The following CMIP variants were observed in gnomAD, a reference collection of about 807,000 sequenced individuals.
CMIP encodes the protein C-Maf-inducing protein.
A neutral mutation model predicts 97.3 loss-of-function variants in CMIP; 13 were observed. The observed-to-expected ratio is 0.13, with a 90% CI of 0.09 to 0.21. CMIP has a LOEUF of 0.21. CMIP is among the 10% of genes least tolerant of loss of function. The pLI, the probability that CMIP is intolerant of heterozygous loss-of-function variation, is 1.00. For synonymous variants in CMIP, 538 were observed against 436.3 expected (o/e 1.23, Z -2.91); for missense variants, 847 against 1,024.9 (o/e 0.83, Z 2.37).
intron 13 of CMIP, among the ~76,000 whole-genome samples, chr16:81,695,185 C>T (rs1906572084): frequency 6.6e-6 from 1 of 152,220 alleles, no homozygotes; most frequent in Non-Finnish European, 1.5e-5. Context: ...ACACCCAGGC[C>T]CTTGTTCTCC....
rs758066159 is a variant in CMIP at position 81,678,657 on chromosome 16, C to CG, written c.1388+33dup. 3 of 1,118,864 alleles carry CG rather than the reference C, an allele frequency of 2.7e-6. No individual in the cohort carries two copies. In the South Asian group the frequency reaches 4.1e-5, roughly 15 times the overall value. 69.3% of individuals were successfully genotyped at this position (1,118,864 alleles called of 1,614,324 possible). A position where few individuals can be genotyped will look rare whatever the true frequency, so the allele number is the denominator to read the frequency against. Reference sequence around the variant, plus strand: ...AGTGCCCCCCCCGCGTGCCCGCCCCCGGGGCCGGTGGGAGGAGACTGGGCT... The same window carrying CG: ...AGTGCCCCCCCCGCGTGCCCGCCCCCGGGGGCCGGTGGGAGGAGACTGGGCT... On this transcript the variant is annotated intron_variant, in intron 10 of 20. Transcript: ENST00000537098.
At chr16:81,492,697 G>C (rs7193307) in intron 1 of CMIP, among the ~76,000 whole-genome samples, 8 of 152,146 alleles carry the variant, frequency 5.3e-5, no homozygotes, top group African/African-American at 1.2e-4. Context: ...GGAGAAAAAG[G>C]GGGGAAGAGA....
At chr16:81,670,860 G>A (rs1024358080) in intron 8 of CMIP, among the ~76,000 whole-genome samples, 5 of 151,976 alleles carry the variant, frequency 3.3e-5, no homozygotes, top group South Asian at 2.1e-4. Context: ...ATGGAGTCTC[G>A]CTCTGTCACC....
At chr16:81,683,088 C>G (rs1905034484) in intron 10 of CMIP, among the ~76,000 whole-genome samples, 1 of 152,170 alleles carries the variant, frequency 6.6e-6, no homozygotes, top group Admixed American at 6.5e-5. Flanking sequence ...TGTTGTATAC[C>G]TACGCCAGGC....
intron 1 of CMIP, among the ~76,000 whole-genome samples, chr16:81,593,099 A>C (rs982034750): frequency 3.3e-5 from 5 of 152,162 alleles, no homozygotes; most frequent in Admixed American, 2.0e-4. Flanking sequence ...ACCTTGAGCC[A>C]TGTGGCCATA....
intron 2 of CMIP, chr16:81,619,840 G>A (rs2091969709): frequency 6.6e-6 from 1 of 152,224 alleles, no homozygotes; most frequent in African/African-American, 2.4e-5. Context: ...TGTAAGGACT[G>A]AATGAGCCAG....
Position 81,627,594 on chromosome 16 carries a change from C to T in CMIP, c.477+6668C>T, listed in dbSNP as rs181344953. 3.9e-5 allele frequency among the ~76,000 whole-genome samples: 6 copies of T among 152,066 alleles called. No individual in the cohort carries two copies. The highest frequency in any genetic ancestry group is 2.0e-4 in the Admixed American group (3 of 15,280). On this transcript the variant is annotated intron_variant, in intron 3 of 20. Coordinates refer to ENST00000537098, the MANE Select transcript of CMIP (RefSeq NM_198390.3). The surrounding 1 kb of genome is among the most constrained non-coding windows in gnomAD (Gnocchi z 4.6). ...GCCCGCCCTCGAGACTGTCTCTGCC[C>T]GGCTCTGGCCACGGAGTGTCCCCTG... is the stretch of plus-strand genomic sequence containing the variant.
intron 17 of CMIP, among the ~76,000 whole-genome samples, chr16:81,703,176 C>T (rs917722225): frequency 3.3e-5 from 5 of 152,114 alleles, no homozygotes; most frequent in African/African-American, 7.2e-5. Context: ...GGAAGGAGAA[C>T]GTGCCCCTTC....
At chr16:81,570,004 AGC>A (rs371556731) in intron 1 of CMIP, among the ~76,000 whole-genome samples, 5 of 152,222 alleles carry the variant, frequency 3.3e-5, no homozygotes, top group African/African-American at 1.2e-4. Context: ...TCAGCCCTCC[AGC>A]ATCTGTCTGT....
At chr16:81,529,918 A>G (rs1412504799) in intron 1 of CMIP, among the ~76,000 whole-genome samples, 1 of 152,202 alleles carries the variant, frequency 6.6e-6, no homozygotes, top group African/African-American at 2.4e-5. Context: ...AGAAGAAGCC[A>G]TTGCGTGTGT....
intron 1 of CMIP, among the ~76,000 whole-genome samples, chr16:81,535,987 C>T (rs1302539084): frequency 6.6e-6 from 1 of 152,144 alleles, no homozygotes; most frequent in Non-Finnish European, 1.5e-5. Context: ...GCCCAGGGAA[C>T]CTCGGTGACA....
intron 1 of CMIP, among the ~76,000 whole-genome samples, chr16:81,488,153 A>T (rs2089348646): frequency 6.6e-6 from 1 of 152,148 alleles, no homozygotes; most frequent in Non-Finnish European, 1.5e-5. Flanking sequence ...ACTAAAGATG[A>T]GTACATTGTT....
At chr16:81,500,566 G>C (rs2089590578) in intron 1 of CMIP, among the ~76,000 whole-genome samples, 1 of 149,006 alleles carries the variant, frequency 6.7e-6, no homozygotes, top group African/African-American at 2.5e-5. Flanking sequence ...TCCGCTCACT[G>C]CAACCTCTGC....
intron 1 of CMIP, among the ~76,000 whole-genome samples, chr16:81,577,327 T>C (rs1324379306): frequency 7.1e-6 from 1 of 141,590 alleles, no homozygotes; most frequent in Non-Finnish European, 1.5e-5. Flanking sequence ...TACATTATTA[T>C]CACTATCACC....
chr16:81,587,675 T>A (rs1334461530), intron 1 of CMIP, among the ~76,000 whole-genome samples: 2 of 152,384 alleles, frequency 1.3e-5, no homozygotes, highest in South Asian at 2.1e-4. Context: ...CTCTGCTCCA[T>A]CTTCCAGAAC....
intron 2 of CMIP, among the ~76,000 whole-genome samples, chr16:81,608,191 G>T (rs1228886059): frequency 1.3e-5 from 2 of 152,216 alleles, no homozygotes; most frequent in Non-Finnish European, 2.9e-5. Flanking sequence ...TGGTCAGGAC[G>T]TTTGGTTGGA....
chr16:81,706,563 G>A (rs1908164991), intron 19 of CMIP, among the ~76,000 whole-genome samples: 1 of 152,252 alleles, frequency 6.6e-6, no homozygotes, highest in Non-Finnish European at 1.5e-5. Context: ...GTCTCTGGGA[G>A]TGGGTGGAGG....
intron 1 of CMIP, among the ~76,000 whole-genome samples, chr16:81,503,521 C>G (rs915004042): frequency 1.1e-4 from 16 of 152,158 alleles, no homozygotes; most frequent in African/African-American, 3.9e-4. Context: ...CTCAGCCTCC[C>G]GAGTAGGTGG....
intron 1 of CMIP, among the ~76,000 whole-genome samples, chr16:81,592,938 C>G (rs973885299): frequency 3.3e-5 from 5 of 152,222 alleles, no homozygotes; most frequent in African/African-American, 1.2e-4. Context: ...GTGTCCATCA[C>G]CTGTTCCAAT....
Sources: gnomAD v4.1 joint callset for allele counts (sites outside exome capture counted in the v4.1 genomes callset) on GRCh38, gnomAD v4.1.1 for gene constraint, Gnocchi (gnomAD v3.1) non-coding constraint, MANE v1.5 for transcripts, NCBI Gene and HGNC (gene_info 2026-07-23, HGNC 2026-07-21) for gene names.